Variants in ZNF618 observed in about 807,000 individuals in gnomAD.
ZNF618 encodes the protein neural precursor cell expressed, developmentally down-regulated 10.
A neutral mutation model predicts 103.0 loss-of-function variants in ZNF618; 34 were observed. That is an observed-to-expected ratio of 0.33 (90% confidence interval 0.25 to 0.44). The LOEUF (loss-of-function observed/expected upper bound fraction) is 0.44. Among genes scored for constraint, ZNF618 ranks in the 20% least tolerant of loss-of-function variants. ZNF618 has a pLI of 1.00. For missense variants in ZNF618, 1,059 were observed against 1,295.4 expected, an observed-to-expected ratio of 0.82 and a Z score of 2.80; for synonymous variants, 551 against 542.2, an observed-to-expected ratio of 1.02 and a Z score of -0.23.
rs1268932490 is a variant in ZNF618, at chr9:113,883,982, G to GCCGCCCCCCCCCC, written c.33+7571_33+7572insGCCCCCCCCCCCC. On this transcript the variant is annotated intron_variant, in intron 1 of 14. Coordinates refer to ENST00000374126, the MANE Select transcript of ZNF618 (RefSeq NM_001318042.2). ...TTTACCTCACTTTTCTCTGGGCTTG[G>GCCGCCCCCCCCCC]CCCCCCCCCCCCCCCCCCCCGCCCT... Among the ~76,000 whole-genome samples the GCCGCCCCCCCCCC allele has an allele frequency of 1.1e-3, 33 of 29,708 alleles. 14 individuals carry two copies. The highest frequency in any genetic ancestry group is 1.6e-3 in the Non-Finnish European group (27 of 16,844). The allele number at this position is 29,708 out of a possible 152,430, so 19.5% of individuals were successfully genotyped here. A position where few individuals can be genotyped will look rare whatever the true frequency, so the allele number is the denominator to read the frequency against.
intron 1 of ZNF618, among the ~76,000 whole-genome samples, chr9:113,954,395 C>A (rs2132407917): frequency 6.6e-6 from 1 of 152,298 alleles, no homozygotes; most frequent in South Asian, 2.1e-4. Context: ...ACTGGAGTTA[C>A]AATATGCTAG....
At chr9:114,022,694 CT>C (rs1027219030) in intron 10 of ZNF618, among the ~76,000 whole-genome samples, 22 of 133,750 alleles carry the variant, frequency 1.6e-4, no homozygotes, top group African/African-American at 3.3e-4. Context: ...TTCCCACTTT[CT>C]TTTTTAATTA....
intron 10 of ZNF618, among the ~76,000 whole-genome samples, chr9:114,021,701 A>G (rs924358577): frequency 2.0e-5 from 3 of 152,062 alleles, no homozygotes; most frequent in Admixed American, 6.6e-5. Flanking sequence ...CACCCCCAAC[A>G]GTTTTCTCAT....
intron 1 of ZNF618, among the ~76,000 whole-genome samples, chr9:113,904,553 C>T (rs1226470740): frequency 6.6e-6 from 1 of 152,152 alleles, no homozygotes; most frequent in Non-Finnish European, 1.5e-5. Flanking sequence ...TTGGTGAAGT[C>T]TTAGCTGTAT....
At chr9:113,907,562 C>T (rs542541920) in intron 1 of ZNF618, among the ~76,000 whole-genome samples, 1 of 152,182 alleles carries the variant, frequency 6.6e-6, no homozygotes, top group East Asian at 1.9e-4. Flanking sequence ...TAATCAGAAC[C>T]AAGAAACCCA....
At chr9:114,040,665 CT>C (rs1374497978) in intron 13 of ZNF618, among the ~76,000 whole-genome samples, 2 of 133,698 alleles carry the variant, frequency 1.5e-5, no homozygotes, top group Non-Finnish European at 3.3e-5. Flanking sequence ...TGAACTCATC[CT>C]TTTTTATGGC....
intron 1 of ZNF618, among the ~76,000 whole-genome samples, chr9:113,948,046 G>A (rs1835210089): frequency 2.0e-5 from 3 of 152,154 alleles, no homozygotes; most frequent in Non-Finnish European, 4.4e-5. Context: ...TAGATTGCAT[G>A]GAAGAGATGC....
rs75469065 is a variant in ZNF618, at chr9:113,953,762, T to A, written c.34-15355T>A. ...CCTGAGTCATCTTCCCCTTTAAGGA[T>A]GCTATGTAGACACACTCTCTGTGCT... On this transcript the variant is annotated intron_variant, in intron 1 of 14. Coordinates refer to ENST00000374126, the MANE Select transcript of ZNF618 (RefSeq NM_001318042.2). 6.4e-3 allele frequency among the ~76,000 whole-genome samples: 968 copies of A among 152,292 alleles called. 14 individuals carry two copies. Among genetic ancestry groups the A allele is most frequent in the African/African-American group, 0.022 (920 of 41,556 alleles).
chr9:113,980,265 C>T (rs1928699), intron 2 of ZNF618, among the ~76,000 whole-genome samples: 1 of 151,818 alleles, frequency 6.6e-6, no homozygotes, highest in Non-Finnish European at 1.5e-5. Flanking sequence ...TTGTTTTCCT[C>T]TCTTGGGAGA....
At chr9:113,877,616 CCTTT>C (rs1397415058) in intron 1 of ZNF618, among the ~76,000 whole-genome samples, 9 of 151,228 alleles carry the variant, frequency 6.0e-5, no homozygotes, top group African/African-American at 2.2e-4. Context: ...ACAGTGAAAT[CCTTT>C]CTTTCTTTTT....
In ZNF618 at chr9:114,007,378, C is replaced by T. The variant is rs764954947; in HGVS notation, c.579C>T (p.Cys193=). Residue 193 remains cysteine (C), a synonymous_variant, in exon 7 of 15, where the codon TGC becomes TGT. Transcript: ENST00000374126. ...SNNFRYTCDI[C]GKKYKYYSCF... is the part of the protein sequence containing the mutation. ...ATTTCAGGTACACATGTGATATCTG[C>T]GGGAAGAAGTACAAATACTACAGCT... 6.8e-6 allele frequency: 11 copies of T among 1,613,696 alleles called. No homozygotes were observed. The highest frequency in any genetic ancestry group is 1.3e-5 in the African/African-American group (1 of 74,894).
At chr9:113,876,726 A>G (rs965697711) in intron 1 of ZNF618, among the ~76,000 whole-genome samples, 2 of 151,892 alleles carry the variant, frequency 1.3e-5, no homozygotes, top group African/African-American at 4.8e-5. Flanking sequence ...AGTTTGGACA[A>G]TTCACATTTT....
intron 1 of ZNF618, among the ~76,000 whole-genome samples, chr9:113,918,249 A>C (rs945787542): frequency 6.6e-6 from 1 of 152,202 alleles, no homozygotes; most frequent in African/African-American, 2.4e-5. Flanking sequence ...TCGGGGACCT[A>C]GGGTATTGAT....
At position 114,029,591 on chromosome 9, in the gene ZNF618, G is replaced by A. The variant is rs556200211; in HGVS notation, c.1084+619G>A. ...TGTTTCTGTTGCCTGCCTGGACCCT[G>A]TTGGCATGAGTTTGCATCTCCCACC... On this transcript the variant is annotated intron_variant, in intron 11 of 14. Coordinates refer to ENST00000374126, the MANE Select transcript of ZNF618 (RefSeq NM_001318042.2). Among the ~76,000 whole-genome samples, 4 of 152,000 alleles carry A rather than the reference G, an allele frequency of 2.6e-5. No individual in the cohort carries two copies. In the East Asian group the frequency reaches 5.8e-4, roughly 22 times the overall value.
intron 1 of ZNF618, among the ~76,000 whole-genome samples, chr9:113,912,480 A>G (rs1253818673): frequency 6.6e-6 from 1 of 152,192 alleles, no homozygotes; most frequent in African/African-American, 2.4e-5. Flanking sequence ...AGTGAGTGAC[A>G]GTCTTTCTAG....
chr9:113,970,952 A>G (rs1231319128), intron 2 of ZNF618, among the ~76,000 whole-genome samples: 1 of 142,492 alleles, frequency 7.0e-6, no homozygotes, highest in African/African-American at 2.7e-5. Flanking sequence ...TGGGATGGGC[A>G]CACTAGATGA....
chr9:114,006,123 G>A (rs1285831673), intron 6 of ZNF618, among the ~76,000 whole-genome samples: 1 of 152,234 alleles, frequency 6.6e-6, no homozygotes. Flanking sequence ...AAGTTCAGAA[G>A]GTGGGGCCAG....
intron 11 of ZNF618, among the ~76,000 whole-genome samples, chr9:114,031,377 G>A (rs1844015127): frequency 6.6e-6 from 1 of 152,226 alleles, no homozygotes; most frequent in Admixed American, 6.5e-5. Context: ...AGCCTCTGCA[G>A]GAAGGAGCCT....
At chr9:113,964,802 A>G (rs1837222750) in intron 1 of ZNF618, among the ~76,000 whole-genome samples, 1 of 144,890 alleles carries the variant, frequency 6.9e-6, no homozygotes, top group Non-Finnish European at 1.5e-5. Flanking sequence ...AGATTTTGGA[A>G]CCGTACCAGT....
Sources: allele counts gnomAD v4.1 joint callset (sites outside exome capture counted in the v4.1 genomes callset), GRCh38; gene constraint gnomAD v4.1.1; transcripts MANE v1.5; gene names NCBI Gene and HGNC (gene_info 2026-07-23, HGNC 2026-07-21).